Variants in RBM27 observed in about 807,000 individuals in gnomAD.
RBM27 encodes RNA binding motif protein 27, also known as RNA-binding protein 27.
In RBM27, 22 loss-of-function variants were observed where a neutral mutation model predicts 135.3. That is an observed-to-expected ratio of 0.16 (90% CI 0.12 to 0.23). The LOEUF (loss-of-function observed/expected upper bound fraction) is 0.23. Among genes scored for constraint, RBM27 ranks in the 10% least tolerant of loss-of-function variants. The pLI, the probability that RBM27 is intolerant of heterozygous loss-of-function variation, is 1.00. For missense variants in RBM27, 1,009 were observed against 1,281.0 expected (o/e 0.79, Z 3.24); for synonymous variants, 481 against 442.4 (o/e 1.09, Z -1.10).
chr5:146,246,434 C>G (rs1757625092), intron 8 of RBM27, among the ~76,000 whole-genome samples: 1 of 152,194 alleles, frequency 6.6e-6, no homozygotes, highest in African/African-American at 2.4e-5. Context: ...AGTTTGGAAA[C>G]TACTCTGACC....
At chr5:146,282,072 C>T (rs1183959215) in intron 19 of RBM27, among the ~76,000 whole-genome samples, 13 of 139,806 alleles carry the variant, frequency 9.3e-5, no homozygotes, top group Admixed American at 4.0e-4. Context: ...GGCGCGATCT[C>T]GGCTCTTGGC....
At chr5:146,235,819 C>T (rs990143993) in intron 7 of RBM27, among the ~76,000 whole-genome samples, 3 of 152,080 alleles carry the variant, frequency 2.0e-5, no homozygotes, top group Non-Finnish European at 4.4e-5. Flanking sequence ...TCCTGAGTAG[C>T]TGGGACTACA....
At chr5:146,277,688 A>G (rs978066725) in intron 19 of RBM27, among the ~76,000 whole-genome samples, 1 of 150,426 alleles carries the variant, frequency 6.6e-6, no homozygotes, top group East Asian at 1.9e-4. Context: ...AGGCCCAGCT[A>G]ATTTTTTTTT....
intron 1 of RBM27, among the ~76,000 whole-genome samples, chr5:146,211,646 T>G (rs902661871): frequency 6.6e-6 from 1 of 151,688 alleles, no homozygotes; most frequent in African/African-American, 2.4e-5. Flanking sequence ...CACACCTGGC[T>G]AATTTTGTAT....
intron 14 of RBM27, among the ~76,000 whole-genome samples, chr5:146,264,014 C>T (rs1295092377): frequency 6.7e-6 from 1 of 149,880 alleles, no homozygotes; most frequent in Non-Finnish European, 1.5e-5. Context: ...GGCTGAGGCA[C>T]GAGAATCACT....
intron 6 of RBM27, 66 bp from the exon 7 acceptor site, chr5:146,233,384 G>A: frequency 6.8e-7 from 1 of 1,478,594 alleles, no homozygotes; most frequent in Non-Finnish European, 9.0e-7. Flanking sequence ...TCAGGGACAT[G>A]TTTTGTTGTT....
At position 146,229,853 on chromosome 5, in the gene RBM27, C is replaced by T. The variant is rs773603991; in HGVS notation, c.532C>T (p.Arg178Cys). 76 of 1,613,766 alleles carry T rather than the reference C, an allele frequency of 4.7e-5. No individual in the cohort carries two copies. The East Asian group carries it at 9.8e-4, about 21-fold the overall frequency. ...KSRSKSRGLS[R>C]SRSRSRGRSK... ...TCGGAGTAAGAGTCGAGGCCTGAGT[C>T]GCAGTAGAAGCCGAAGTAGGGGGCG... The change falls in exon 5 of 21, where the codon CGC becomes TGC. Residue 178 changes from arginine to cysteine, a missense_variant. By Grantham distance (180) the Arg-to-Cys change is radical (BLOSUM62 -3). Around this residue, in one of 6 missense-constraint regions of RBM27, gnomAD observed 268 missense variants for 326.6 expected, o/e 0.82. Transcript: ENST00000265271.
chr5:146,237,236 C>T, intron 7 of RBM27, 62 bp from the exon 8 acceptor site: 1 of 1,595,484 alleles, frequency 6.3e-7, no homozygotes, highest in Non-Finnish European at 8.6e-7. Flanking sequence ...CTGCTCCTGG[C>T]CTGATACTTT....
chr5:146,231,062 C>G, intron 6 of RBM27, 145 bp downstream of exon 6: 1 of 1,064,812 alleles, frequency 9.4e-7, no homozygotes, highest in Non-Finnish European at 1.3e-6. Context: ...TGCTCTGTCA[C>G]CCAGGATGGA....
chr5:146,259,169 C>T lies in RBM27; in HGVS notation c.1739+576C>T, dbSNP rs114625649. Among the ~76,000 whole-genome samples, 541 of 151,066 alleles carry T rather than the reference C, an allele frequency of 3.6e-3. 6 individuals are homozygous for T. Among genetic ancestry groups the T allele is most frequent in the South Asian group, 0.03 (146 of 4,788 alleles). Reference sequence around the variant, plus strand: ...GAAAAGAAGAAAAAAATGAAATCAACGGTGAAAAAAAAAAGCTTAGTACCT... The same window carrying T: ...GAAAAGAAGAAAAAAATGAAATCAATGGTGAAAAAAAAAAGCTTAGTACCT... On this transcript the variant is annotated intron_variant, in intron 11 of 20. Transcript: ENST00000265271.
At position 146,216,795 on chromosome 5, in the gene RBM27, G is replaced by GT. The variant is rs1311737603; in HGVS notation, c.60-2189dup. 6.6e-5 allele frequency among the ~76,000 whole-genome samples: 10 copies of GT among 151,986 alleles called. No homozygotes were observed. The East Asian group carries it at 1.9e-3, about 29-fold the overall frequency. On this transcript the variant is annotated intron_variant, in intron 1 of 20. Transcript: ENST00000265271. ...GTCTCAGCTTCCTTAGTAGCTGGGA[G>GT]TACAGGTGTGCGCCACCATGCCTGG...
chr5:146,271,705 TA>T, intron 19 of RBM27, 31 bp downstream of exon 19: 1 of 1,556,844 alleles, frequency 6.4e-7, no homozygotes, highest in South Asian at 1.1e-5. Context: ...ATGCTAACTG[TA>T]AAAACACTGT....
intron 1 of RBM27, among the ~76,000 whole-genome samples, chr5:146,207,293 A>C (rs1363926036): frequency 6.6e-6 from 1 of 150,960 alleles, no homozygotes; most frequent in Non-Finnish European, 1.5e-5. Flanking sequence ...CACTCACTGC[A>C]ACCTCTGCCT....
chr5:146,276,918 G>T (rs995700568), intron 19 of RBM27, among the ~76,000 whole-genome samples: 6 of 152,116 alleles, frequency 3.9e-5, no homozygotes, highest in Non-Finnish European at 5.9e-5. Flanking sequence ...AATTTAAAAG[G>T]TAATATGGGT....
chr5:146,230,883 C>G lies in RBM27; in HGVS notation c.816C>G (p.Asn272Lys). Residue 272 changes from asparagine (N) to lysine (K), a missense_variant, in exon 6 of 21, where the codon AAC (asparagine) becomes AAG (lysine). Physicochemically the swap from Asn to Lys is moderately conservative, Grantham distance 94 (BLOSUM62 0). This residue lies in a region of RBM27 where 268 missense variants were observed against 326.6 expected (regional missense o/e 0.82). Coordinates refer to ENST00000265271, the MANE Select transcript of RBM27 (RefSeq NM_018989.2). ...NHSSSNSFGR[N>K]LPPKRRCRDY... ...GCTCTTCCAATTCTTTTGGTCGAAA[C>G]CTACCACCAAAGAGGCGATGCAGAG... is the stretch of plus-strand genomic sequence containing the variant. The G allele has an allele frequency of 6.2e-7, 1 of 1,614,176 alleles. No individual in the cohort carries two copies. The highest frequency in any genetic ancestry group is 1.7e-5 in the Admixed American group (1 of 60,014).
At chr5:146,271,138 C>G in intron 18 of RBM27, 80 bp downstream of exon 18, 1 of 1,006,260 alleles carries the variant, frequency 9.9e-7, no homozygotes, top group Non-Finnish European at 1.5e-6. Flanking sequence ...CGGTGGCTCA[C>G]GCCTGTAATC....
Position 146,215,893 on chromosome 5 carries a change from G to C in RBM27, c.60-3092G>C, listed in dbSNP as rs570370685. ...AGTCTCCCAAGTAGCTGGGATTACA[G>C]GTGCACACCACCACGCCTGGCTAAT... On this transcript the variant is annotated intron_variant, in intron 1 of 20. Coordinates refer to ENST00000265271, the MANE Select transcript of RBM27 (RefSeq NM_018989.2). 2.6e-5 allele frequency among the ~76,000 whole-genome samples: 4 copies of C among 152,064 alleles called. No individual in the cohort carries two copies. The South Asian group carries it at 8.3e-4, about 32-fold the overall frequency.
intron 10 of RBM27, among the ~76,000 whole-genome samples, chr5:146,256,008 A>G (rs1758084101): frequency 1.3e-5 from 2 of 151,398 alleles, no homozygotes; most frequent in Non-Finnish European, 2.9e-5. Context: ...AGCATGTGCC[A>G]CCATGCCTGG....
At chr5:146,212,832 G>A (rs1033481892) in intron 1 of RBM27, among the ~76,000 whole-genome samples, 1 of 151,810 alleles carries the variant, frequency 6.6e-6, no homozygotes, top group Non-Finnish European at 1.5e-5. Context: ...TCCTGCCTCA[G>A]CCTCCTGAAT....
Sources: gnomAD v4.1 joint callset for allele counts (sites outside exome capture counted in the v4.1 genomes callset) on GRCh38, gnomAD v4.1.1 for gene constraint, gnomAD v4.1.1 regional missense constraint, MANE v1.5 for transcripts, NCBI Gene and HGNC (gene_info 2026-07-23, HGNC 2026-07-21) for gene names.